The following GRIA2 variants were observed in gnomAD, a reference collection of about 807,000 sequenced individuals.
GRIA2 encodes glutamate receptor 2.
A neutral mutation model predicts 97.3 loss-of-function variants in GRIA2; 14 were observed. That is an observed-to-expected ratio of 0.14 (90% confidence interval 0.10 to 0.23). The LOEUF (loss-of-function observed/expected upper bound fraction) is 0.23. GRIA2 is among the 10% of genes least tolerant of loss of function. The pLI is 1.00. For missense variants in GRIA2, 558 were observed against 1,069.8 expected, an observed-to-expected ratio of 0.52 and a Z score of 6.67; for synonymous variants, 412 against 387.8, an observed-to-expected ratio of 1.06 and a Z score of -0.73.
intron 2 of GRIA2, among the ~76,000 whole-genome samples, chr4:157,252,031 G>A (rs1045143232): frequency 1.8e-4 from 28 of 152,096 alleles, no homozygotes; most frequent in African/African-American, 6.5e-4. Context: ...TGAATCAGCT[G>A]TACTGAGTAG....
intron 2 of GRIA2, among the ~76,000 whole-genome samples, chr4:157,283,981 G>A (rs927395348): frequency 1.3e-5 from 2 of 151,832 alleles, no homozygotes; most frequent in Non-Finnish European, 2.9e-5. Context: ...TGTTAGAGAG[G>A]TTTTTAATAT....
chr4:157,344,871 T>C (rs1735704652), intron 12 of GRIA2, among the ~76,000 whole-genome samples: 1 of 152,100 alleles, frequency 6.6e-6, no homozygotes, highest in African/African-American at 2.4e-5. Context: ...GTTGAGACCA[T>C]TTAGAAATTA....
chr4:157,321,833 TAATA>T (rs1051153782), intron 6 of GRIA2, among the ~76,000 whole-genome samples: 6 of 152,198 alleles, frequency 3.9e-5, no homozygotes, highest in African/African-American at 1.4e-4. Flanking sequence ...TGATAATTTA[TAATA>T]AATAAATTCA....
intron 2 of GRIA2, among the ~76,000 whole-genome samples, chr4:157,233,272 C>T (rs182278468): frequency 6.6e-6 from 1 of 152,180 alleles, no homozygotes; most frequent in Admixed American, 6.5e-5. Flanking sequence ...AGGTGTTACT[C>T]GAGTAGTACT....
At chr4:157,296,689 C>T (rs1052772701) in intron 2 of GRIA2, among the ~76,000 whole-genome samples, 2 of 151,978 alleles carry the variant, frequency 1.3e-5, no homozygotes, top group Non-Finnish European at 2.9e-5. Flanking sequence ...GCTGGGCTTC[C>T]GATTCGGGCA....
intron 2 of GRIA2, among the ~76,000 whole-genome samples, chr4:157,283,687 A>G (rs1732711146): frequency 6.6e-6 from 1 of 151,876 alleles, no homozygotes; most frequent in South Asian, 2.1e-4. Context: ...TCTGTAATCT[A>G]ATTTTCCTTT....
chr4:157,270,586 C>T (rs1731973387), intron 2 of GRIA2, among the ~76,000 whole-genome samples: 1 of 152,080 alleles, frequency 6.6e-6, no homozygotes, highest in South Asian at 2.1e-4. Context: ...ATTTTCTGTG[C>T]TCCCAGTTGA....
At chr4:157,254,265 G>A (rs192461992) in intron 2 of GRIA2, among the ~76,000 whole-genome samples, 4 of 152,032 alleles carry the variant, frequency 2.6e-5, no homozygotes, top group South Asian at 2.1e-4. Context: ...CTATAAGAAC[G>A]TATAGAAGCA....
At position 157,221,077 on chromosome 4, in the gene GRIA2, C is replaced by A; in HGVS notation, c.35C>A (p.Ser12Tyr). The A allele has an allele frequency of 1.3e-6, 2 of 1,596,320 alleles. No homozygotes were observed. Among genetic ancestry groups the A allele is most frequent in the African/African-American group, 1.3e-5 (1 of 74,706 alleles). ...ATTATGCATATTTCTGTCCTCCTTT[C>A]TCCTGTTTTATGGGGACTGATTTTT... Reference protein sequence around the residue: ...QKIMHISVLLSPVLWGLIFGV... With the variant: ...QKIMHISVLLYPVLWGLIFGV... The change falls in exon 1 of 16, where the codon TCT (serine) becomes TAT (tyrosine). Residue 12 changes from serine (S) to tyrosine (Y), a missense_variant. Around this residue, in one of 8 missense-constraint regions of GRIA2, gnomAD observed 96 missense variants for 176.6 expected, o/e 0.54. Transcript: ENST00000264426.
At chr4:157,256,744 C>G (rs1401455236) in intron 2 of GRIA2, among the ~76,000 whole-genome samples, 1 of 151,856 alleles carries the variant, frequency 6.6e-6, no homozygotes, top group Non-Finnish European at 1.5e-5. Context: ...AGGGAAATTA[C>G]AAAAACTTTT....
intron 2 of GRIA2, among the ~76,000 whole-genome samples, chr4:157,225,350 T>A (rs1205981552): frequency 6.6e-6 from 1 of 152,004 alleles, no homozygotes; most frequent in East Asian, 1.9e-4. Context: ...TCTTTTCCTC[T>A]CTCCCCTCAC....
In GRIA2 at chr4:157,365,939, T is replaced by C. The variant is rs1256332926; in HGVS notation, c.*2508T>C. On this transcript the variant is annotated 3_prime_UTR_variant, in exon 16 of 16. Transcript: ENST00000264426. ...CTTTCTATAACTTCTATTGAAGATA[T>C]TGGAATTTCCAATTTTTCATGTGTA... The C allele has an allele frequency of 6.6e-6, 1 of 151,668 alleles. No individual in the cohort carries two copies. Among genetic ancestry groups the C allele is most frequent in the Non-Finnish European group, 1.5e-5 (1 of 67,588 alleles). The allele number at this position is 151,668 out of a possible 1,614,324, so 9.4% of individuals were successfully genotyped here.
At chr4:157,299,245 T>C (rs1733504094) in intron 2 of GRIA2, among the ~76,000 whole-genome samples, 2 of 151,970 alleles carry the variant, frequency 1.3e-5, no homozygotes, top group Admixed American at 6.6e-5. Flanking sequence ...TAACAGATGA[T>C]AGGGAAATTT....
At chr4:157,256,297 TATA>T (rs1731270591) in intron 2 of GRIA2, among the ~76,000 whole-genome samples, 3 of 138,852 alleles carry the variant, frequency 2.2e-5, no homozygotes, top group African/African-American at 7.9e-5. Context: ...ATATATTATA[TATA>T]ATATTATATA....
intron 2 of GRIA2, among the ~76,000 whole-genome samples, chr4:157,283,119 T>C (rs1732683436): frequency 6.6e-6 from 1 of 152,086 alleles, no homozygotes; most frequent in African/African-American, 2.4e-5. Flanking sequence ...ATTATATTTT[T>C]TCATATGTAA....
At chr4:157,347,293 C>T (rs1735803183) in intron 12 of GRIA2, among the ~76,000 whole-genome samples, 1 of 152,134 alleles carries the variant, frequency 6.6e-6, no homozygotes, top group South Asian at 2.1e-4. Flanking sequence ...ATTCTCTTTC[C>T]ATAAGTATTC....
intron 2 of GRIA2, among the ~76,000 whole-genome samples, chr4:157,265,679 G>T (rs1371221630): frequency 6.6e-6 from 1 of 152,136 alleles, no homozygotes; most frequent in Non-Finnish European, 1.5e-5. Flanking sequence ...CCAAGAAGCT[G>T]TAGCCAACTT....
chr4:157,253,366 C>T (rs1277143484), intron 2 of GRIA2, among the ~76,000 whole-genome samples: 1 of 152,092 alleles, frequency 6.6e-6, no homozygotes, highest in African/African-American at 2.4e-5. Flanking sequence ...ATCTACCCAC[C>T]TTGGCCTCCC....
intron 2 of GRIA2, among the ~76,000 whole-genome samples, chr4:157,256,376 T>C (rs1490060124): frequency 1.3e-5 from 2 of 148,244 alleles, no homozygotes; most frequent in Non-Finnish European, 3.0e-5. Flanking sequence ...TGTGTTTTCT[T>C]TATTTTTTAA....
Sources: gnomAD v4.1 joint callset for allele counts (sites outside exome capture counted in the v4.1 genomes callset) on GRCh38, gnomAD v4.1.1 for gene constraint, gnomAD v4.1.1 regional missense constraint, MANE v1.5 for transcripts, NCBI Gene and HGNC (gene_info 2026-07-23, HGNC 2026-07-21) for gene names.